RCL1: variants seen among roughly 807,000 people sequenced by gnomAD.
The protein encoded by RCL1 is RNA 3'-terminal phosphate cyclase-like protein.
Under a neutral mutation model 42.4 loss-of-function variants are expected in RCL1, and 24 were observed. That is an observed-to-expected ratio of 0.57 (90% CI 0.41 to 0.80). The LOEUF (loss-of-function observed/expected upper bound fraction) is 0.80, where lower values mean the gene tolerates loss of function less well. Ranked by LOEUF, RCL1 falls within the 30% of genes least tolerant of loss-of-function variation. RCL1 has a pLI of 0.00. For synonymous variants in RCL1, 228 were observed against 177.3 expected, an observed-to-expected ratio of 1.29 and a Z score of -2.27; for missense variants, 578 against 467.9, an observed-to-expected ratio of 1.24 and a Z score of -2.17.
intron 1 of RCL1, 150 bp downstream of exon 1, chr9:4,793,377 G>T (rs1161775331): frequency 2.3e-6 from 2 of 865,972 alleles, no homozygotes; most frequent in Non-Finnish European, 1.6e-6. Flanking sequence ...TCCAAAGCCG[G>T]AGGGGCAGGC....
chr9:4,846,053 T>C (rs1284572423), intron 7 of RCL1, among the ~76,000 whole-genome samples: 1 of 152,182 alleles, frequency 6.6e-6, no homozygotes, highest in Non-Finnish European at 1.5e-5. Flanking sequence ...ATCAGGGTGG[T>C]AGGGTAAAGC....
intron 1 of RCL1, among the ~76,000 whole-genome samples, chr9:4,802,013 A>G (rs1354965534): frequency 2.0e-5 from 3 of 148,326 alleles, no homozygotes; most frequent in African/African-American, 7.5e-5. Context: ...GGTTCCAGCG[A>G]TTCTCCTGTC....
At chr9:4,823,092 C>G (rs1816649174) in intron 1 of RCL1, among the ~76,000 whole-genome samples, 1 of 152,126 alleles carries the variant, frequency 6.6e-6, no homozygotes, top group African/African-American at 2.4e-5. Flanking sequence ...GTCTCTGAGA[C>G]TGAAGGGTGG....
At chr9:4,844,413 C>T in intron 6 of RCL1, 112 bp from the exon 7 acceptor site, 2 of 763,146 alleles carry the variant, frequency 2.6e-6, no homozygotes, top group Non-Finnish European at 4.3e-6. Context: ...CAGAAAGAAG[C>T]CTTTGAACAC....
intron 1 of RCL1, among the ~76,000 whole-genome samples, chr9:4,815,636 C>T (rs296842): frequency 4.0e-5 from 6 of 151,578 alleles, no homozygotes; most frequent in South Asian, 2.1e-4. Flanking sequence ...TGTATCCTCA[C>T]GGGAAAAGGG....
In RCL1 at chr9:4,815,598, T is replaced by C. The variant is rs577545052; in HGVS notation, c.137-7950T>C. ...GTACAGTAGCCGCTTAAAGCTCGGC[T>C]TGAGGATGTTGGGCCACTGGTCTAG... is the stretch of plus-strand genomic sequence containing the variant. On this transcript the variant is annotated intron_variant, in intron 1 of 8. Coordinates refer to ENST00000381750, the MANE Select transcript of RCL1 (RefSeq NM_005772.5). 2.2e-4 allele frequency among the ~76,000 whole-genome samples: 33 copies of C among 152,232 alleles called. 3 individuals are homozygous for C. The South Asian group carries it at 6.6e-3, about 31-fold the overall frequency.
chr9:4,837,832 C>T (rs1415064727), intron 5 of RCL1, among the ~76,000 whole-genome samples: 1 of 152,184 alleles, frequency 6.6e-6, no homozygotes, highest in East Asian at 1.9e-4. Flanking sequence ...GTCCCAAGTT[C>T]CTCCCTCCCT....
At chr9:4,853,045 T>C (rs1817804621) in intron 8 of RCL1, among the ~76,000 whole-genome samples, 1 of 152,200 alleles carries the variant, frequency 6.6e-6, no homozygotes, top group Non-Finnish European at 1.5e-5. Context: ...ACACATCTTA[T>C]TGATCCTAAG....
At chr9:4,819,243 C>T (rs1816500332) in intron 1 of RCL1, among the ~76,000 whole-genome samples, 1 of 152,216 alleles carries the variant, frequency 6.6e-6, no homozygotes, top group Admixed American at 6.5e-5. Context: ...CACACGGAGC[C>T]AGCAGCCTCG....
intron 3 of RCL1, chr9:4,827,267 A>C (rs1020011380): frequency 7.0e-7 from 1 of 1,421,374 alleles, no homozygotes; most frequent in Non-Finnish European, 9.3e-7. Flanking sequence ...GTTGTTACCT[A>C]AGAACCTTCA....
At position 4,826,888 on chromosome 9, in the gene RCL1, T is replaced by C. The variant is rs114612763; in HGVS notation, c.239T>C (p.Leu80Pro). The change falls in exon 3 of 9, where the codon CTG (leucine) becomes CCG (proline). Residue 80 changes from leucine (L) to proline (P), a missense_variant. Physicochemically the swap from Leu to Pro is moderately conservative, Grantham distance 98. Coordinates refer to ENST00000381750, the MANE Select transcript of RCL1 (RefSeq NM_005772.5). ...ACCTTATATTATCAGCCTGGCCTCC[T>C]GTATGGTGGATCTGTGGAACATGAC... ...GTTLYYQPGLLYGGSVEHDCS... is the reference protein window; with the variant it reads ...GTTLYYQPGLPYGGSVEHDCS... 6.4e-5 allele frequency: 104 copies of C among 1,614,140 alleles called. No individual in the cohort carries two copies. The East Asian group carries it at 2.2e-3, about 34-fold the overall frequency.
At chr9:4,798,132 G>T (rs1001151174) in intron 1 of RCL1, among the ~76,000 whole-genome samples, 22 of 152,184 alleles carry the variant, frequency 1.4e-4, no homozygotes, top group Non-Finnish European at 2.8e-4. Flanking sequence ...GCCAGCTCCT[G>T]CCTGAAGGAC....
intron 6 of RCL1, among the ~76,000 whole-genome samples, chr9:4,842,132 T>A (rs1463879826): frequency 6.6e-6 from 1 of 152,216 alleles, no homozygotes; most frequent in Non-Finnish European, 1.5e-5. Context: ...TTTGTTTTTG[T>A]TTTTTACTGA....
chr9:4,826,839 C>T lies in RCL1; in HGVS notation c.209-19C>T. 1 of 1,582,202 alleles carries T rather than the reference C, an allele frequency of 6.3e-7. No individual in the cohort carries two copies. The highest frequency in any genetic ancestry group is 1.2e-5 in the South Asian group (1 of 85,526). Reference sequence around the variant, plus strand: ...AGTTTTTTTCCTGCTGAATGTGGCTCTTTTTCTTCTGGTTTAAGGAACAAC... The same window carrying T: ...AGTTTTTTTCCTGCTGAATGTGGCTTTTTTTCTTCTGGTTTAAGGAACAAC... On this transcript the variant is annotated intron_variant, in intron 2 of 8. Coordinates refer to ENST00000381750, the MANE Select transcript of RCL1 (RefSeq NM_005772.5).
At chr9:4,829,094 G>A (rs1015891245) in intron 3 of RCL1, among the ~76,000 whole-genome samples, 1 of 152,174 alleles carries the variant, frequency 6.6e-6, no homozygotes, top group Non-Finnish European at 1.5e-5. Context: ...CTAGTCTCGT[G>A]GGGTGGACAG....
chr9:4,796,505 C>T (rs1225898211), intron 1 of RCL1, among the ~76,000 whole-genome samples: 1 of 152,198 alleles, frequency 6.6e-6, no homozygotes, highest in Non-Finnish European at 1.5e-5. Flanking sequence ...AGGTGATCCT[C>T]TCACGTTAGC....
At chr9:4,837,846 G>A (rs1161945738) in intron 5 of RCL1, among the ~76,000 whole-genome samples, 2 of 152,166 alleles carry the variant, frequency 1.3e-5, no homozygotes, top group African/African-American at 4.8e-5. Flanking sequence ...CCTCCCTGGA[G>A]GCAGGGGATA....
rs10974788 is a variant in RCL1 at position 4,795,595 on chromosome 9, G to A, written c.136+2368G>A. Reference sequence around the variant, plus strand: ...ATGTAGCCGGAAGCCTATGTTGCCCGTCATCTGTCCCTTTCTGACTTTTCC... The same window carrying A: ...ATGTAGCCGGAAGCCTATGTTGCCCATCATCTGTCCCTTTCTGACTTTTCC... On this transcript the variant is annotated intron_variant, in intron 1 of 8. Transcript: ENST00000381750. 5.9e-5 allele frequency among the ~76,000 whole-genome samples: 9 copies of A among 152,140 alleles called. No individual in the cohort carries two copies. In the East Asian group the frequency reaches 9.7e-4, roughly 16 times the overall value.
chr9:4,836,032 A>G (rs2131017083), intron 5 of RCL1, among the ~76,000 whole-genome samples: 1 of 152,240 alleles, frequency 6.6e-6, no homozygotes, highest in South Asian at 2.1e-4. Flanking sequence ...GATTGAGGGT[A>G]AGGGGATGGG....
Sources: allele counts gnomAD v4.1 joint callset (sites outside exome capture counted in the v4.1 genomes callset), GRCh38; gene constraint gnomAD v4.1.1; transcripts MANE v1.5; gene names NCBI Gene and HGNC (gene_info 2026-07-23, HGNC 2026-07-21).